Variants in INO80D observed in about 807,000 individuals in gnomAD.
INO80D encodes INO80 complex subunit D.
Under a neutral mutation model 87.6 loss-of-function variants are expected in INO80D, and 21 were observed. That is an observed-to-expected ratio of 0.24 (90% CI 0.17 to 0.35). INO80D has a LOEUF of 0.35. INO80D is among the 10% of genes least tolerant of loss of function. The probability of loss-of-function intolerance (pLI) is 1.00; values close to 1 mark genes in which losing one functional copy is unlikely to be tolerated. For synonymous variants in INO80D, 440 were observed against 491.0 expected (o/e 0.90, Z 1.37); for missense variants, 982 against 1,280.7 (o/e 0.77, Z 3.56).
chr2:206,009,567 C>T lies in INO80D; in HGVS notation c.1760+10G>A, dbSNP rs376925799. On this transcript the variant is annotated intron_variant, in intron 9 of 10. Transcript: ENST00000403263. ...GTAAAGAAAAATTAGGTGCCAGTGG[C>T]ACCACTGACCGGATGTGAGAGGCCT... The T allele has an allele frequency of 4.5e-5, 71 of 1,586,088 alleles. No homozygotes were observed. Among genetic ancestry groups the T allele is most frequent in the Non-Finnish European group, 5.0e-5 (58 of 1,167,896 alleles).
chr2:206,045,151 A>G (rs967477671), intron 5 of INO80D, among the ~76,000 whole-genome samples: 3 of 152,202 alleles, frequency 2.0e-5, no homozygotes, highest in Admixed American at 2.0e-4. Flanking sequence ...AACTAACCCT[A>G]CTTGCTCTAA....
At chr2:206,082,087 C>A (rs1483999845) in intron 1 of INO80D, among the ~76,000 whole-genome samples, 1 of 152,172 alleles carries the variant, frequency 6.6e-6, no homozygotes, top group Non-Finnish European at 1.5e-5. Flanking sequence ...ATGGTGCAAT[C>A]CTGGCTCACT....
intron 4 of INO80D, among the ~76,000 whole-genome samples, chr2:206,047,031 G>A (rs538381410): frequency 1.3e-5 from 2 of 152,170 alleles, no homozygotes; most frequent in Admixed American, 6.5e-5. Context: ...CACCCACCTC[G>A]GCCTCCCAAA....
chr2:206,004,599 G>T lies in INO80D; in HGVS notation c.2853C>A (p.Thr951=). Residue 951 remains threonine, a synonymous_variant, in exon 11 of 11, where the codon ACC becomes ACA. Transcript: ENST00000403263. The surrounding 1 kb of genome is among the most constrained non-coding windows in gnomAD (Gnocchi z 4.9). Reference sequence around the variant, plus strand: ...CAGAAGGCCCCATGCCACTGAAGCTGGTCTGTGGTAACCCCGGAAGCACAC... The same window carrying T: ...CAGAAGGCCCCATGCCACTGAAGCTTGTCTGTGGTAACCCCGGAAGCACAC... ...SSSVLPGLPQ[T]SFSGMGPSAE... The T allele has an allele frequency of 1.9e-6, 3 of 1,612,426 alleles. No homozygotes were observed. In the South Asian group the frequency reaches 3.3e-5, roughly 18 times the overall value.
intron 1 of INO80D, among the ~76,000 whole-genome samples, chr2:206,064,089 A>G (rs1473742100): frequency 6.6e-6 from 1 of 152,188 alleles, no homozygotes; most frequent in East Asian, 1.9e-4. Flanking sequence ...TAAACTTCTC[A>G]GGCCCAAAGA....
rs1422182318 is a variant in INO80D at position 206,085,449 on chromosome 2, G to A, written c.-124+452C>T. On this transcript the variant is annotated intron_variant, in intron 1 of 10. Transcript: ENST00000403263. The surrounding 1 kb of genome is among the most constrained non-coding windows in gnomAD (Gnocchi z 4.5). ...CCTGCCGCCCCGCGGGAAAGCCTCCGGGCCGGCGCGGGATTCGGCCCAGCA... is the reference window on the plus strand; with the variant it reads ...CCTGCCGCCCCGCGGGAAAGCCTCCAGGCCGGCGCGGGATTCGGCCCAGCA... The A allele has an allele frequency of 1.3e-5, 2 of 151,604 alleles. No homozygotes were observed. The highest frequency in any genetic ancestry group is 2.4e-5 in the African/African-American group (1 of 41,302). 9.4% of individuals were successfully genotyped at this position (151,604 alleles called of 1,614,324 possible).
chr2:206,060,622 G>A (rs1047973295), intron 3 of INO80D, among the ~76,000 whole-genome samples: 2 of 150,356 alleles, frequency 1.3e-5, no homozygotes, highest in Non-Finnish European at 3.0e-5. Context: ...GTGCAATGGC[G>A]CGATCTCCGC....
chr2:206,069,542 T>G (rs191075143), intron 1 of INO80D, among the ~76,000 whole-genome samples: 23 of 152,182 alleles, frequency 1.5e-4, no homozygotes, highest in South Asian at 1.5e-3. Flanking sequence ...GGTCAGGAGT[T>G]CTAATGCAGA....
At chr2:206,044,359 C>T (rs946078442) in intron 5 of INO80D, among the ~76,000 whole-genome samples, 3 of 150,380 alleles carry the variant, frequency 2.0e-5, no homozygotes, top group Non-Finnish European at 4.4e-5. Flanking sequence ...AATAGCCCAA[C>T]AAGAAAGTGC....
At position 206,063,219 on chromosome 2, in the gene INO80D, C is replaced by A; in HGVS notation, c.-98G>T. 1 of 570,568 alleles carries A rather than the reference C, an allele frequency of 1.8e-6. No individual in the cohort carries two copies. The highest frequency in any genetic ancestry group is 3.0e-6 in the Non-Finnish European group (1 of 329,618). 35.3% of individuals were successfully genotyped at this position (570,568 alleles called of 1,614,324 possible). A position where few individuals can be genotyped will look rare whatever the true frequency, so the allele number is the denominator to read the frequency against. On this transcript the variant is annotated 5_prime_UTR_variant, in exon 2 of 11. Transcript: ENST00000403263. Reference sequence around the variant, plus strand: ...CCAAGGATACCACAGTTTGGAATGCCGCAGAATCAGGATGAAGCAGATTGT... The same window carrying A: ...CCAAGGATACCACAGTTTGGAATGCAGCAGAATCAGGATGAAGCAGATTGT...
At chr2:206,056,986 A>G (rs1689543542) in intron 3 of INO80D, 43 bp from the exon 4 acceptor site, 1 of 1,501,194 alleles carries the variant, frequency 6.7e-7, no homozygotes. Flanking sequence ...CATGATACAT[A>G]TTTTTTAAAA....
chr2:206,052,361 G>A (rs963610317), intron 4 of INO80D, among the ~76,000 whole-genome samples: 14 of 151,846 alleles, frequency 9.2e-5, no homozygotes, highest in African/African-American at 3.4e-4. Context: ...GCCCAGCTAA[G>A]TTTTTGTATT....
At chr2:206,064,404 G>A (rs572292552) in intron 1 of INO80D, among the ~76,000 whole-genome samples, 1 of 152,276 alleles carries the variant, frequency 6.6e-6, no homozygotes, top group South Asian at 2.1e-4. Context: ...CAAGATGGCT[G>A]ATGGAACAGC....
chr2:206,020,435 C>T (rs1383327280), intron 6 of INO80D, among the ~76,000 whole-genome samples: 1 of 152,080 alleles, frequency 6.6e-6, no homozygotes, highest in Non-Finnish European at 1.5e-5. Flanking sequence ...AATTGATTGC[C>T]TCATGCTACT....
chr2:206,008,569 G>A (rs1210958384), intron 9 of INO80D, among the ~76,000 whole-genome samples: 8 of 152,114 alleles, frequency 5.3e-5, no homozygotes, highest in Non-Finnish European at 7.4e-5. Flanking sequence ...ATGAGCCACC[G>A]CACCTGGTCC....
intron 9 of INO80D, 126 bp downstream of exon 9, chr2:206,009,451 T>C: frequency 1.3e-6 from 1 of 744,186 alleles, no homozygotes; most frequent in African/African-American, 1.8e-5. Context: ...ATTTAAAAAA[T>C]CTAGGCTGAT....
At chr2:206,020,307 G>A (rs964119763) in intron 6 of INO80D, among the ~76,000 whole-genome samples, 1 of 152,078 alleles carries the variant, frequency 6.6e-6, no homozygotes, top group Admixed American at 6.6e-5. Flanking sequence ...GAGCTGGCAG[G>A]GTTGTTGGGA....
At chr2:206,009,427 T>C in intron 9 of INO80D, 150 bp downstream of exon 9, 1 of 643,080 alleles carries the variant, frequency 1.6e-6, no homozygotes, top group East Asian at 2.8e-5. Context: ...TAGGTAAAAT[T>C]TGCACCAAAA....
rs1199298596 is a variant in INO80D, at chr2:206,085,177, G to A, written c.-124+724C>T. Among the ~76,000 whole-genome samples the A allele has an allele frequency of 4.6e-5, 7 of 152,150 alleles. No individual in the cohort carries two copies. Among genetic ancestry groups the A allele is most frequent in the African/African-American group, 1.4e-4 (6 of 41,454 alleles). On this transcript the variant is annotated intron_variant, in intron 1 of 10. Transcript: ENST00000403263. The surrounding 1 kb of genome is among the most constrained non-coding windows in gnomAD (Gnocchi z 4.5). ...AGCGGCCCCCAGTTCGGGCCTAAAA[G>A]GAAACTTTCTGGGCCGCGGCTGCAC...
Sources: allele counts gnomAD v4.1 joint callset (sites outside exome capture counted in the v4.1 genomes callset), GRCh38; gene constraint gnomAD v4.1.1; non-coding constraint Gnocchi (gnomAD v3.1); transcripts MANE v1.5; gene names NCBI Gene and HGNC (gene_info 2026-07-23, HGNC 2026-07-21).